JAK1: variants seen among roughly 807,000 people sequenced by gnomAD.
JAK1 encodes Janus kinase 1.
A neutral mutation model predicts 136.6 loss-of-function variants in JAK1; 16 were observed. The observed-to-expected ratio is 0.12, with a 90% CI of 0.08 to 0.18. The LOEUF is 0.18. Ranked by LOEUF, JAK1 falls within the 10% of genes least tolerant of loss-of-function variation. The pLI, the probability that JAK1 is intolerant of heterozygous loss-of-function variation, is 1.00. For missense variants in JAK1, 859 were observed against 1,450.1 expected (o/e 0.59, Z 6.62); for synonymous variants, 492 against 519.5 (o/e 0.95, Z 0.72).
At chr1:64,860,652 C>A (rs1570654456) in intron 8 of JAK1, among the ~76,000 whole-genome samples, 1 of 152,110 alleles carries the variant, frequency 6.6e-6, no homozygotes, top group African/African-American at 2.4e-5. Flanking sequence ...CGGGGTTTCA[C>A]CATGTTGGCC....
intron 1 of JAK1, among the ~76,000 whole-genome samples, chr1:64,893,069 G>T (rs1644963600): frequency 6.6e-6 from 1 of 152,032 alleles, no homozygotes; most frequent in Non-Finnish European, 1.5e-5. Flanking sequence ...GGATTAAGGA[G>T]AGAGGAATCT....
intron 12 of JAK1, among the ~76,000 whole-genome samples, chr1:64,849,264 A>T (rs926878346): frequency 2.0e-5 from 3 of 151,926 alleles, no homozygotes; most frequent in African/African-American, 7.3e-5. Context: ...ATCATAGCTC[A>T]CTGCAACCTC....
At chr1:64,928,778 C>CAAAA (rs1183218798) in intron 1 of JAK1, among the ~76,000 whole-genome samples, 10 of 61,150 alleles carry the variant, frequency 1.6e-4, no homozygotes, top group Non-Finnish European at 2.5e-4. Context: ...TAAAACTCTG[C>CAAAA]AAAAAAAAAA....
chr1:65,000,550 T>C (rs1236255907), intron 2 of JAK1, among the ~76,000 whole-genome samples: 1 of 151,702 alleles, frequency 6.6e-6, no homozygotes, highest in African/African-American at 2.4e-5. Flanking sequence ...CCTGTTTAAA[T>C]AGCAATACTT....
At chr1:64,841,778 A>G (rs1337153690) in intron 17 of JAK1, among the ~76,000 whole-genome samples, 177 bp from the exon 18 acceptor site, 1 of 152,204 alleles carries the variant, frequency 6.6e-6, no homozygotes, top group Non-Finnish European at 1.5e-5. Context: ...CACAGTCCTA[A>G]TACTGAATAG....
chr1:65,014,816 C>T (rs752814817), intron 2 of JAK1, among the ~76,000 whole-genome samples: 1 of 151,926 alleles, frequency 6.6e-6, no homozygotes, highest in African/African-American at 2.4e-5. Flanking sequence ...TCCCGAATAG[C>T]TGGGACTACA....
intron 7 of JAK1, among the ~76,000 whole-genome samples, chr1:64,865,819 G>C (rs1390043545): frequency 6.6e-6 from 1 of 152,098 alleles, no homozygotes; most frequent in Non-Finnish European, 1.5e-5. Context: ...GAGCACAGTG[G>C]CAAGGTCATG....
At chr1:65,034,782 T>C (rs919681037) in intron 2 of JAK1, among the ~76,000 whole-genome samples, 8 of 152,170 alleles carry the variant, frequency 5.3e-5, no homozygotes, top group Non-Finnish European at 2.9e-5. Context: ...TGGCTGGGCA[T>C]GGTGGCTCAT....
At chr1:64,908,178 A>G (rs760795491) in intron 1 of JAK1, among the ~76,000 whole-genome samples, 65 of 152,374 alleles carry the variant, frequency 4.3e-4, no homozygotes, top group Non-Finnish European at 4.6e-4. Context: ...TGCTCAGGTT[A>G]GAACTTTAAT....
At chr1:65,002,046 C>T (rs1360830833) in intron 2 of JAK1, among the ~76,000 whole-genome samples, 1 of 151,932 alleles carries the variant, frequency 6.6e-6, no homozygotes, top group Non-Finnish European at 1.5e-5. Flanking sequence ...TTTCATCTTC[C>T]AACTACTCCT....
chr1:64,909,427 GGACAA>G (rs1275292077), intron 1 of JAK1, among the ~76,000 whole-genome samples: 3 of 151,964 alleles, frequency 2.0e-5, no homozygotes, highest in African/African-American at 7.3e-5. Flanking sequence ...GGGGAGAAGA[GGACAA>G]GACAAGGAAA....
At chr1:64,878,731 A>G (rs905303030) in intron 4 of JAK1, among the ~76,000 whole-genome samples, 2 of 151,984 alleles carry the variant, frequency 1.3e-5, no homozygotes, top group Non-Finnish European at 2.9e-5. Context: ...AATTAAATTC[A>G]TAACTATGAT....
chr1:64,841,372 G>A (rs1238493453), intron 18 of JAK1, 33 bp from the exon 19 acceptor site: 2 of 1,611,014 alleles, frequency 1.2e-6, no homozygotes, highest in Non-Finnish European at 1.7e-6. Context: ...AGAGTGAAAG[G>A]CAGTCGATTG....
intron 2 of JAK1, among the ~76,000 whole-genome samples, chr1:65,043,700 ATTTTTTTTTTTTTT>A (rs112982943): frequency 9.9e-6 from 1 of 101,248 alleles, no homozygotes; most frequent in Non-Finnish European, 2.1e-5. Context: ...CACCTGGCTA[ATTTTTTTTTTTTTT>A]TTTTTTTTTT....
chr1:64,857,568 G>A, intron 10 of JAK1, 88 bp downstream of exon 10: 1 of 1,537,342 alleles, frequency 6.5e-7, no homozygotes, highest in South Asian at 1.2e-5. Flanking sequence ...CCTGCCAAGG[G>A]TGGTTCTGTC....
chr1:64,928,581 G>A (rs1300784764), intron 1 of JAK1, among the ~76,000 whole-genome samples: 1 of 151,880 alleles, frequency 6.6e-6, no homozygotes, highest in African/African-American at 2.4e-5. Context: ...AAATAGCTTA[G>A]AGGAGCATAA....
At chr1:64,964,735 T>G (rs1646341949) in intron 1 of JAK1, among the ~76,000 whole-genome samples, 1 of 152,194 alleles carries the variant, frequency 6.6e-6, no homozygotes, top group South Asian at 2.1e-4. Flanking sequence ...ATATACAGAA[T>G]TAAGAAGAGG....
At chr1:64,881,053 G>T (rs1250148772) in intron 3 of JAK1, among the ~76,000 whole-genome samples, 1 of 152,070 alleles carries the variant, frequency 6.6e-6, no homozygotes, top group Non-Finnish European at 1.5e-5. Context: ...AGGATCACTT[G>T]AGGTCAAGAG....
intron 11 of JAK1, among the ~76,000 whole-genome samples, chr1:64,852,858 G>A (rs1033533544): frequency 3.3e-5 from 5 of 152,106 alleles, no homozygotes; most frequent in African/African-American, 4.8e-5. Flanking sequence ...ACTGGTTGCC[G>A]CCGTGATTAT....
Sources: gnomAD v4.1 joint callset for allele counts (sites outside exome capture counted in the v4.1 genomes callset) on GRCh38, gnomAD v4.1.1 for gene constraint, MANE v1.5 for transcripts, NCBI Gene and HGNC (gene_info 2026-07-23, HGNC 2026-07-21) for gene names.